Variants in DSCAML1 observed in about 807,000 individuals in gnomAD.
The protein encoded by DSCAML1 is cell adhesion molecule DSCAML1.
Under a neutral mutation model 200.5 loss-of-function variants are expected in DSCAML1, and 38 were observed. That is an observed-to-expected ratio of 0.19 (90% confidence interval 0.15 to 0.25). The LOEUF (loss-of-function observed/expected upper bound fraction) is 0.25. Ranked by LOEUF, DSCAML1 falls within the 10% of genes least tolerant of loss-of-function variation. The pLI, the probability that DSCAML1 is intolerant of heterozygous loss-of-function variation, is 1.00. For missense variants in DSCAML1, 2,223 were observed against 2,858.8 expected (o/e 0.78, Z 5.07); for synonymous variants, 1,215 against 1,165.0 (o/e 1.04, Z -0.87).
chr11:117,812,405 A>T (rs2055768753), intron 1 of DSCAML1, among the ~76,000 whole-genome samples: 1 of 152,112 alleles, frequency 6.6e-6, no homozygotes, highest in Non-Finnish European at 1.5e-5. Context: ...TTAGTTCAGG[A>T]TCTATGCCTT....
At chr11:117,562,221 G>C (rs1011330594) in intron 3 of DSCAML1, among the ~76,000 whole-genome samples, 3 of 152,198 alleles carry the variant, frequency 2.0e-5, no homozygotes, top group Admixed American at 2.0e-4. Context: ...TGGAGTCTGA[G>C]GAGCTCAAGC....
chr11:117,707,195 C>T lies in DSCAML1; in HGVS notation c.511+69596G>A, dbSNP rs78067700. Among the ~76,000 whole-genome samples, 608 of 152,282 alleles carry T rather than the reference C, an allele frequency of 4.0e-3. 4 individuals are homozygous for T. Among genetic ancestry groups the T allele is most frequent in the African/African-American group, 0.014 (580 of 41,528 alleles). ...GGTGGGTGGTGGTGGCCAGTGGACACCTGTAGGGGAGCATGCTATTTAGGA... is the reference window on the plus strand; with the variant it reads ...GGTGGGTGGTGGTGGCCAGTGGACATCTGTAGGGGAGCATGCTATTTAGGA... On this transcript the variant is annotated intron_variant, in intron 3 of 32. Coordinates refer to ENST00000651296, the MANE Select transcript of DSCAML1 (RefSeq NM_020693.4).
intron 3 of DSCAML1, among the ~76,000 whole-genome samples, chr11:117,722,402 G>A (rs1042900189): frequency 1.3e-5 from 2 of 152,094 alleles, no homozygotes; most frequent in Admixed American, 6.6e-5. Context: ...GCCAGGGAGA[G>A]GTTGATTAAC....
At chr11:117,499,866 C>T (rs994923357) in intron 11 of DSCAML1, among the ~76,000 whole-genome samples, 1 of 152,302 alleles carries the variant, frequency 6.6e-6, no homozygotes, top group East Asian at 1.9e-4. Context: ...AAAAGGGTTC[C>T]GCATAGCAGT....
At chr11:117,676,734 G>A (rs1194877430) in intron 3 of DSCAML1, among the ~76,000 whole-genome samples, 1 of 152,216 alleles carries the variant, frequency 6.6e-6, no homozygotes, top group East Asian at 1.9e-4. Context: ...CACTTTACAG[G>A]GCCAGGTGGC....
chr11:117,669,092 G>T (rs755212988), intron 3 of DSCAML1, among the ~76,000 whole-genome samples: 1 of 152,130 alleles, frequency 6.6e-6, no homozygotes, highest in Non-Finnish European at 1.5e-5. Flanking sequence ...GATTTCTAAG[G>T]CCTAGGTGCC....
intron 1 of DSCAML1, among the ~76,000 whole-genome samples, chr11:117,815,461 G>C (rs2134092626): frequency 6.6e-6 from 1 of 152,276 alleles, no homozygotes; most frequent in African/African-American, 2.4e-5. Flanking sequence ...GCCACAAATT[G>C]CTTCCCCAGC....
rs531812193 is a variant in DSCAML1, at chr11:117,601,139, G to A, written c.512-68617C>T. Among the ~76,000 whole-genome samples the A allele has an allele frequency of 1.8e-3, 254 of 143,502 alleles. 1 individual carries two copies. The highest frequency in any genetic ancestry group is 6.3e-3 in the African/African-American group (242 of 38,608). The allele number at this position is 143,502 out of a possible 152,430, so 94.1% of individuals were successfully genotyped here. A position where few individuals can be genotyped will look rare whatever the true frequency, so the allele number is the denominator to read the frequency against. ...CTCCAGCTGTTCCCAGCCCCCACCC[G>A]CACCAACTACTGCTCCTCTGTCCCC... On this transcript the variant is annotated intron_variant, in intron 3 of 32. Coordinates refer to ENST00000651296, the MANE Select transcript of DSCAML1 (RefSeq NM_020693.4).
rs977556016 is a variant in DSCAML1, at chr11:117,754,980, C to T, written c.511+21811G>A. On this transcript the variant is annotated intron_variant, in intron 3 of 32. Coordinates refer to ENST00000651296, the MANE Select transcript of DSCAML1 (RefSeq NM_020693.4). ...CCAATCCATGGGGAACTGGTTACCC[C>T]GGCCACAGACAACCTTCTCCTGTTG... Among the ~76,000 whole-genome samples, 6 of 152,136 alleles carry T rather than the reference C, an allele frequency of 3.9e-5. 1 individual carries two copies. Among genetic ancestry groups the T allele is most frequent in the South Asian group, 2.1e-4 (1 of 4,816 alleles).
chr11:117,702,420 T>C (rs2053687322), intron 3 of DSCAML1, among the ~76,000 whole-genome samples: 1 of 151,864 alleles, frequency 6.6e-6, no homozygotes, highest in African/African-American at 2.4e-5. Context: ...CTACTCTTTT[T>C]CCAGAACCTA....
At chr11:117,797,256 T>G, upstream of DSCAML1, 1 of 1,432,348 alleles carries the variant, frequency 7.0e-7, no homozygotes, top group Non-Finnish European at 9.1e-7. Flanking sequence ...CCGGCTCCTG[T>G]CATCCGCGGG....
At chr11:117,433,511 G>T in intron 27 of DSCAML1, 40 bp from the exon 28 acceptor site, 1 of 1,606,206 alleles carries the variant, frequency 6.2e-7, no homozygotes, top group Non-Finnish European at 8.5e-7. Context: ...GGGTGAGAAT[G>T]AAGTTTGAAC....
At chr11:117,611,632 C>G (rs893134790) in intron 3 of DSCAML1, 1 of 152,206 alleles carries the variant, frequency 6.6e-6, no homozygotes, top group African/African-American at 2.4e-5. Context: ...TGGGTGAACG[C>G]CATCAGTGCC....
At chr11:117,570,495 C>A (rs372516710) in intron 3 of DSCAML1, among the ~76,000 whole-genome samples, 1 of 152,202 alleles carries the variant, frequency 6.6e-6, no homozygotes, top group African/African-American at 2.4e-5. Flanking sequence ...ATATAAGTGT[C>A]ATGAGAGCAT....
chr11:117,793,245 C>G (rs539493799), intron 1 of DSCAML1, among the ~76,000 whole-genome samples: 6 of 152,290 alleles, frequency 3.9e-5, no homozygotes, highest in African/African-American at 1.4e-4. Context: ...CACCTGGGTA[C>G]CCGCTAGAAT....
At chr11:117,592,839 A>G (rs1399474596) in intron 3 of DSCAML1, among the ~76,000 whole-genome samples, 1 of 152,196 alleles carries the variant, frequency 6.6e-6, no homozygotes, top group African/African-American at 2.4e-5. Flanking sequence ...GCTTCCAGAG[A>G]CCAGGCTCCG....
chr11:117,646,292 G>C (rs955721919), intron 3 of DSCAML1, among the ~76,000 whole-genome samples: 1 of 151,876 alleles, frequency 6.6e-6, no homozygotes, highest in Admixed American at 6.6e-5. Context: ...TCCCTGGAGA[G>C]GTGTGGAATC....
chr11:117,518,900 T>C lies in DSCAML1; in HGVS notation c.1214-138A>G. The C allele has an allele frequency of 1.0e-6, 1 of 959,592 alleles. No homozygotes were observed. Among genetic ancestry groups the C allele is most frequent in the African/African-American group, 1.6e-5 (1 of 60,666 alleles). 59.4% of individuals were successfully genotyped at this position (959,592 alleles called of 1,614,324 possible). A position where few individuals can be genotyped will look rare whatever the true frequency, so the allele number is the denominator to read the frequency against. On this transcript the variant is annotated intron_variant, in intron 6 of 32. Transcript: ENST00000651296. This position sits in a 1 kb window ranked among gnomAD's most constrained non-coding sequence, Gnocchi z 6.3. ...GAACTTTTGTGTACATCAATTCTTC[T>C]GCTATCCGCAACCCCAAGTGGTGCC...
intron 3 of DSCAML1, among the ~76,000 whole-genome samples, chr11:117,692,876 T>C (rs1293470195): frequency 1.3e-5 from 2 of 152,212 alleles, no homozygotes; most frequent in African/African-American, 2.4e-5. Context: ...CTGGAGCCCA[T>C]GAAACTGGTC....
Sources: allele counts gnomAD v4.1 joint callset (sites outside exome capture counted in the v4.1 genomes callset), GRCh38; gene constraint gnomAD v4.1.1; non-coding constraint Gnocchi (gnomAD v3.1); transcripts MANE v1.5; gene names NCBI Gene and HGNC (gene_info 2026-07-23, HGNC 2026-07-21).